Variants in SPOCK1 observed in about 807,000 individuals in gnomAD.
SPOCK1 encodes the protein testican-1.
A neutral mutation model predicts 55.3 loss-of-function variants in SPOCK1; 23 were observed. The observed-to-expected ratio is 0.42, with a 90% CI of 0.30 to 0.59. The LOEUF (loss-of-function observed/expected upper bound fraction) is 0.59. Among genes scored for constraint, SPOCK1 ranks in the 20% least tolerant of loss-of-function variants. The probability of loss-of-function intolerance (pLI) is 0.22; values close to 1 mark genes in which losing one functional copy is unlikely to be tolerated. For missense variants in SPOCK1, 499 were observed against 552.5 expected, an observed-to-expected ratio of 0.90 and a Z score of 0.97; for synonymous variants, 226 against 221.0, an observed-to-expected ratio of 1.02 and a Z score of -0.20.
chr5:137,371,431 C>T (rs1487689376), intron 2 of SPOCK1, among the ~76,000 whole-genome samples: 3 of 152,130 alleles, frequency 2.0e-5, no homozygotes, highest in Non-Finnish European at 4.4e-5. Context: ...TCATGAAAAC[C>T]TGATTTTTCA....
At chr5:137,013,061 G>A (rs1287115657) in intron 6 of SPOCK1, among the ~76,000 whole-genome samples, 2 of 152,148 alleles carry the variant, frequency 1.3e-5, no homozygotes, top group South Asian at 2.1e-4. Context: ...GAGGGAGAAA[G>A]AGAGACACAG....
intron 3 of SPOCK1, among the ~76,000 whole-genome samples, chr5:137,191,190 C>A (rs1755172338): frequency 6.6e-6 from 1 of 152,194 alleles, no homozygotes; most frequent in Admixed American, 6.5e-5. Flanking sequence ...AGTTACTTAA[C>A]CTCTCTGAGT....
intron 2 of SPOCK1, among the ~76,000 whole-genome samples, chr5:137,401,558 CAAA>C (rs34044799): frequency 7.0e-5 from 7 of 100,446 alleles, no homozygotes; most frequent in Admixed American, 1.2e-4. Flanking sequence ...CTCATCTCTA[CAAA>C]AAAAAAAAAA....
At chr5:137,469,827 G>A (rs1285731088) in intron 2 of SPOCK1, among the ~76,000 whole-genome samples, 1 of 152,084 alleles carries the variant, frequency 6.6e-6, no homozygotes, top group East Asian at 1.9e-4. Flanking sequence ...GCCTTCATTG[G>A]CCACCCCCAC....
At chr5:137,484,461 T>C (rs1334331408) in intron 2 of SPOCK1, among the ~76,000 whole-genome samples, 1 of 152,210 alleles carries the variant, frequency 6.6e-6, no homozygotes, top group East Asian at 1.9e-4. Context: ...TGATCATGCA[T>C]CACCTTACCT....
At chr5:137,135,464 A>G (rs1753964950) in intron 4 of SPOCK1, among the ~76,000 whole-genome samples, 1 of 152,244 alleles carries the variant, frequency 6.6e-6, no homozygotes, top group Non-Finnish European at 1.5e-5. Flanking sequence ...AATGCCTATG[A>G]GAATGTTGCT....
intron 3 of SPOCK1, among the ~76,000 whole-genome samples, chr5:137,226,655 C>G (rs1050918052): frequency 6.0e-4 from 91 of 152,144 alleles, no homozygotes; most frequent in African/African-American, 2.2e-3. Context: ...TCTCTACACC[C>G]TAGGGAACCC....
intron 2 of SPOCK1, among the ~76,000 whole-genome samples, chr5:137,439,716 C>T (rs753494139): frequency 6.6e-6 from 1 of 152,188 alleles, no homozygotes; most frequent in Non-Finnish European, 1.5e-5. Context: ...ACACACACCC[C>T]ACCACACACA....
intron 6 of SPOCK1, among the ~76,000 whole-genome samples, chr5:137,064,994 G>A (rs889201606): frequency 2.6e-5 from 4 of 152,196 alleles, no homozygotes; most frequent in Admixed American, 2.0e-4. Flanking sequence ...TTGGGAGGCC[G>A]AGGCAGGAGG....
chr5:137,188,173 G>A (rs1383149977), intron 3 of SPOCK1, among the ~76,000 whole-genome samples: 6 of 152,180 alleles, frequency 3.9e-5, no homozygotes, highest in Admixed American at 1.3e-4. Flanking sequence ...AAGATCCCAC[G>A]TATGTGGCCC....
At chr5:137,228,039 T>C (rs1755978805) in intron 3 of SPOCK1, among the ~76,000 whole-genome samples, 1 of 152,268 alleles carries the variant, frequency 6.6e-6, no homozygotes. Flanking sequence ...TGTTTTCTTT[T>C]CTTTGCATTT....
At chr5:137,422,685 A>T (rs956993832) in intron 2 of SPOCK1, among the ~76,000 whole-genome samples, 2 of 151,820 alleles carry the variant, frequency 1.3e-5, no homozygotes, top group African/African-American at 4.8e-5. Context: ...TAGCCATTCG[A>T]CTAATTTTTT....
chr5:137,346,967 T>C (rs1750571124), intron 2 of SPOCK1, among the ~76,000 whole-genome samples: 1 of 152,160 alleles, frequency 6.6e-6, no homozygotes, highest in Non-Finnish European at 1.5e-5. Flanking sequence ...CGGCACCTCC[T>C]AATGGGCCTC....
intron 3 of SPOCK1, among the ~76,000 whole-genome samples, chr5:137,221,205 C>T (rs1755841130): frequency 6.6e-6 from 1 of 152,150 alleles, no homozygotes; most frequent in Admixed American, 6.5e-5. Flanking sequence ...TTGGCACCTT[C>T]CAAAAATTCC....
At chr5:137,188,205 T>C (rs1156335723) in intron 3 of SPOCK1, among the ~76,000 whole-genome samples, 1 of 152,212 alleles carries the variant, frequency 6.6e-6, no homozygotes, top group Non-Finnish European at 1.5e-5. Context: ...ATCTTACACC[T>C]GCCCCCAACT....
At chr5:137,226,257 C>T (rs1252484987) in intron 3 of SPOCK1, among the ~76,000 whole-genome samples, 5 of 152,172 alleles carry the variant, frequency 3.3e-5, no homozygotes, top group Admixed American at 2.6e-4. Flanking sequence ...ATGAAGAAAA[C>T]GATGGCAGAC....
At chr5:137,205,902 A>G (rs1755513071) in intron 3 of SPOCK1, among the ~76,000 whole-genome samples, 1 of 152,214 alleles carries the variant, frequency 6.6e-6, no homozygotes, top group Non-Finnish European at 1.5e-5. Context: ...GCCCTATGAG[A>G]AAGACCCTAT....
At chr5:137,291,052 T>G (rs1757360555) in intron 2 of SPOCK1, among the ~76,000 whole-genome samples, 1 of 152,188 alleles carries the variant, frequency 6.6e-6, no homozygotes. Flanking sequence ...GACACACAGC[T>G]GGTAAAAGCC....
intron 6 of SPOCK1, among the ~76,000 whole-genome samples, chr5:137,041,770 T>C (rs572760628): frequency 9.2e-5 from 14 of 152,314 alleles, no homozygotes; most frequent in Admixed American, 9.2e-4. Flanking sequence ...ATGTACCTAT[T>C]ATAGTGTCTA....
Sources: allele counts gnomAD v4.1 joint callset (sites outside exome capture counted in the v4.1 genomes callset), GRCh38; gene constraint gnomAD v4.1.1; transcripts MANE v1.5; gene names NCBI Gene and HGNC (gene_info 2026-07-23, HGNC 2026-07-21).